Variants in MECOM observed in about 807,000 individuals in gnomAD.
The protein encoded by MECOM is MDS1 and EVI1 complex locus.
Under a neutral mutation model 116.3 loss-of-function variants are expected in MECOM, and 13 were observed. The ratio of observed to expected loss-of-function variants is 0.11; its 90% CI spans 0.07 to 0.18. The LOEUF is 0.18. MECOM is among the 10% of genes least tolerant of loss of function. MECOM has a pLI of 1.00. For missense variants in MECOM, 1,299 were observed against 1,509.0 expected, an observed-to-expected ratio of 0.86 and a Z score of 2.31; for synonymous variants, 528 against 535.2, an observed-to-expected ratio of 0.99 and a Z score of 0.19.
At chr3:169,440,331 T>C (rs974979869) in intron 1 of MECOM, among the ~76,000 whole-genome samples, 2 of 152,160 alleles carry the variant, frequency 1.3e-5, no homozygotes, top group African/African-American at 2.4e-5. Flanking sequence ...CTTGTTGAAA[T>C]GCGAAATGCT....
intron 2 of MECOM, among the ~76,000 whole-genome samples, chr3:169,321,195 T>C (rs1720789947): frequency 6.6e-6 from 1 of 152,212 alleles, no homozygotes; most frequent in South Asian, 2.1e-4. Flanking sequence ...TATAAACTAC[T>C]ACATTAAAAG....
chr3:169,170,087 A>G (rs1008113997), intron 2 of MECOM, among the ~76,000 whole-genome samples: 1 of 152,128 alleles, frequency 6.6e-6, no homozygotes, highest in Non-Finnish European at 1.5e-5. Flanking sequence ...TATTTTAATC[A>G]TTAAAACTGT....
At chr3:169,106,684 T>C (rs921274889) in intron 10 of MECOM, among the ~76,000 whole-genome samples, 2 of 152,116 alleles carry the variant, frequency 1.3e-5, no homozygotes, top group South Asian at 2.1e-4. Flanking sequence ...TGGCCATGTA[T>C]GTAAGGGGTC....
intron 1 of MECOM, among the ~76,000 whole-genome samples, chr3:169,542,370 C>G (rs543639864): frequency 2.0e-5 from 3 of 152,086 alleles, no homozygotes; most frequent in South Asian, 2.1e-4. Flanking sequence ...ACGACTCCCC[C>G]CTCCGCCTAT....
At chr3:169,160,048 T>C (rs1006412630) in intron 2 of MECOM, among the ~76,000 whole-genome samples, 10 of 152,182 alleles carry the variant, frequency 6.6e-5, no homozygotes, top group African/African-American at 2.2e-4. Flanking sequence ...TGGTTTTTTT[T>C]GTTGGTGGTG....
chr3:169,371,209 CA>C (rs1334648663), intron 2 of MECOM, among the ~76,000 whole-genome samples: 2 of 151,852 alleles, frequency 1.3e-5, no homozygotes, highest in African/African-American at 4.8e-5. Context: ...CCATTTGGGA[CA>C]ATGTGGACAA....
chr3:169,414,422 G>A (rs1472337917), intron 1 of MECOM, among the ~76,000 whole-genome samples: 2 of 152,160 alleles, frequency 1.3e-5, no homozygotes, highest in African/African-American at 4.8e-5. Flanking sequence ...CCATGAAGAT[G>A]GGGAAAAACC....
At chr3:169,545,058 TAA>T (rs988143051) in intron 1 of MECOM, among the ~76,000 whole-genome samples, 1 of 151,944 alleles carries the variant, frequency 6.6e-6, no homozygotes, top group Admixed American at 6.6e-5. Flanking sequence ...TTTTTTTAAT[TAA>T]AAAAAAGAAA....
intron 2 of MECOM, among the ~76,000 whole-genome samples, chr3:169,347,378 A>T (rs1725543759): frequency 6.6e-6 from 1 of 152,072 alleles, no homozygotes. Context: ...CATTTGAAAG[A>T]AAAAGATTTT....
chr3:169,370,888 A>G (rs1729974621), intron 2 of MECOM, among the ~76,000 whole-genome samples: 1 of 151,988 alleles, frequency 6.6e-6, no homozygotes, highest in Non-Finnish European at 1.5e-5. Flanking sequence ...ATGTGGAGAA[A>G]AGGGGCTCTT....
chr3:169,660,400 G>A (rs527660394), intron 1 of MECOM, among the ~76,000 whole-genome samples: 5 of 151,866 alleles, frequency 3.3e-5, no homozygotes, highest in African/African-American at 7.3e-5. Context: ...AGCCTTACAA[G>A]TTGCAAACTG....
At chr3:169,566,103 T>C (rs1364113032) in intron 1 of MECOM, 1 of 321,428 alleles carries the variant, frequency 3.1e-6, no homozygotes, top group East Asian at 1.1e-4. Context: ...TTGTAAACCA[T>C]CAGATCTTGT....
chr3:169,565,961 CA>C, intron 1 of MECOM: 1 of 446,632 alleles, frequency 2.2e-6, no homozygotes, highest in Non-Finnish European at 4.5e-6. Flanking sequence ...AAGGTTTAAT[CA>C]ACTCACAGTT....
chr3:169,154,672 AT>A (rs1312848083), intron 2 of MECOM, among the ~76,000 whole-genome samples: 6 of 151,862 alleles, frequency 4.0e-5, no homozygotes, highest in Non-Finnish European at 8.8e-5. Context: ...AATTCATTCC[AT>A]TTTTTTTGAG....
intron 2 of MECOM, among the ~76,000 whole-genome samples, chr3:169,246,998 T>C (rs1369251766): frequency 6.6e-6 from 1 of 152,204 alleles, no homozygotes; most frequent in African/African-American, 2.4e-5. Flanking sequence ...GGCAATAGCC[T>C]ATTATTTAAA....
chr3:169,382,513 A>G (rs1732572281), intron 1 of MECOM, among the ~76,000 whole-genome samples: 1 of 151,282 alleles, frequency 6.6e-6, no homozygotes, highest in African/African-American at 2.4e-5. Context: ...GATTTTATGA[A>G]ACCAATCAAA....
intron 2 of MECOM, among the ~76,000 whole-genome samples, chr3:169,275,365 T>A (rs1185709607): frequency 6.6e-6 from 1 of 152,218 alleles, no homozygotes; most frequent in Non-Finnish European, 1.5e-5. Flanking sequence ...GTTAGATATT[T>A]ATACACATTT....
At chr3:169,267,071 C>T (rs1758401582) in intron 2 of MECOM, among the ~76,000 whole-genome samples, 1 of 152,208 alleles carries the variant, frequency 6.6e-6, no homozygotes, top group African/African-American at 2.4e-5. Flanking sequence ...TGTTCTTTAG[C>T]TTTCTCTTGC....
At chr3:169,307,759 A>G (rs1717982208) in intron 2 of MECOM, among the ~76,000 whole-genome samples, 1 of 152,074 alleles carries the variant, frequency 6.6e-6, no homozygotes, top group African/African-American at 2.4e-5. Context: ...CTTGTTTCCC[A>G]TCTACCTAGT....
Sources: allele counts gnomAD v4.1 joint callset (sites outside exome capture counted in the v4.1 genomes callset), GRCh38; gene constraint gnomAD v4.1.1; transcripts MANE v1.5; gene names NCBI Gene and HGNC (gene_info 2026-07-23, HGNC 2026-07-21).